Variants in KCTD14 observed in about 807,000 individuals in gnomAD.
The protein encoded by KCTD14 is BTB/POZ domain-containing protein KCTD14.
In KCTD14, 7 loss-of-function variants were observed where a neutral mutation model predicts 5.9. The observed-to-expected ratio is 1.19, with a 90% CI of 0.68 to 2.23. KCTD14 has a LOEUF of 2.23. KCTD14 is among the 30% of genes most tolerant of loss of function. KCTD14 has a pLI of 0.00. For synonymous variants in KCTD14, 140 were observed against 133.1 expected (o/e 1.05, Z -0.36); for missense variants, 342 against 332.2 (o/e 1.03, Z -0.23).
intron 1 of KCTD14, among the ~76,000 whole-genome samples, chr11:78,042,059 G>T (rs1183548668): frequency 6.6e-6 from 1 of 152,100 alleles, no homozygotes; most frequent in Non-Finnish European, 1.5e-5. Context: ...TGTGAGCAAG[G>T]ACCCCTGGTA....
At position 78,016,826 on chromosome 11, in the gene KCTD14, C is replaced by T. The variant is rs1453496663; in HGVS notation, c.535G>A (p.Asp179Asn). The change falls in exon 2 of 2, where the codon GAT becomes AAT. Residue 179 changes from aspartate to asparagine, a missense_variant. Coordinates refer to ENST00000353172, the MANE Select transcript of KCTD14 (RefSeq NM_023930.4). Reference sequence around the variant, plus strand: ...CACAGGACCTCTGAATAATATGCATCCTGCTCCTCAGTTTCCACCAGGCAC... The same window carrying T: ...CACAGGACCTCTGAATAATATGCATTCTGCTCCTCAGTTTCCACCAGGCAC... ...LVCLVETEEQ[D>N]AYYSEVLCFL... is the part of the protein sequence containing the mutation. The T allele has an allele frequency of 6.2e-7, 1 of 1,614,178 alleles. No homozygotes were observed. Among genetic ancestry groups the T allele is most frequent in the Non-Finnish European group, 8.5e-7 (1 of 1,180,008 alleles).
chr11:78,040,401 G>A (rs1020938385), intron 1 of KCTD14, among the ~76,000 whole-genome samples: 1 of 148,312 alleles, frequency 6.7e-6, no homozygotes, highest in Non-Finnish European at 1.5e-5. Context: ...ACTTCTTCCT[G>A]TGTCTCTTCT....
Position 78,016,369 on chromosome 11 carries a change from G to A in KCTD14, c.*224C>T, listed in dbSNP as rs1857163428. On this transcript the variant is annotated 3_prime_UTR_variant, in exon 2 of 2. Coordinates refer to ENST00000353172, the MANE Select transcript of KCTD14 (RefSeq NM_023930.4). ...CAAGAGAAGGGTCTGGGAGATACATGAGGCTTTGAAAAGGAAGTAGCTGCA... is the reference window on the plus strand; with the variant it reads ...CAAGAGAAGGGTCTGGGAGATACATAAGGCTTTGAAAAGGAAGTAGCTGCA... 5.2e-6 allele frequency: 3 copies of A among 581,376 alleles called. No homozygotes were observed. The African/African-American group carries it at 5.6e-5, about 11-fold the overall frequency. 36.0% of individuals were successfully genotyped at this position (581,376 alleles called of 1,614,324 possible). A position where few individuals can be genotyped will look rare whatever the true frequency, so the allele number is the denominator to read the frequency against.
chr11:78,017,961 A>G (rs1857215311), intron 1 of KCTD14, among the ~76,000 whole-genome samples: 2 of 151,800 alleles, frequency 1.3e-5, no homozygotes, highest in East Asian at 2.0e-4. Flanking sequence ...GCCAGGTGTG[A>G]TGGCACGCGC....
At chr11:78,031,195 C>T (rs1857603799) in intron 2 of KCTD14, among the ~76,000 whole-genome samples, 2 of 151,054 alleles carry the variant, frequency 1.3e-5, no homozygotes, top group African/African-American at 4.9e-5. Context: ...GCTGGGATTA[C>T]CGCTAACACC....
chr11:78,032,394 A>G (rs1370294868), intron 2 of KCTD14, among the ~76,000 whole-genome samples: 2 of 152,256 alleles, frequency 1.3e-5, no homozygotes, highest in Non-Finnish European at 2.9e-5. Context: ...ACAGGAGTCA[A>G]GATGCCCAGG....
chr11:78,035,844 C>CA (rs559820760), intron 2 of KCTD14, among the ~76,000 whole-genome samples: 4,169 of 79,244 alleles, frequency 0.053, 526 homozygotes, highest in African/African-American at 0.22. Flanking sequence ...GACTCCATCT[C>CA]AAAAAAAAAA....
intron 2 of KCTD14, among the ~76,000 whole-genome samples, chr11:78,030,378 C>T (rs944917103): frequency 2.0e-5 from 3 of 152,186 alleles, no homozygotes; most frequent in South Asian, 2.1e-4. Context: ...GCTCTAGTTT[C>T]GGCTCTGCCA....
At chr11:78,036,122 G>A (rs1042417888) in intron 2 of KCTD14, among the ~76,000 whole-genome samples, 6 of 152,004 alleles carry the variant, frequency 3.9e-5, no homozygotes, top group African/African-American at 1.4e-4. Flanking sequence ...TTGCACCACT[G>A]CACTCCAGCC....
chr11:78,025,262 A>G (rs1028184122), upstream of KCTD14, among the ~76,000 whole-genome samples: 1 of 151,250 alleles, frequency 6.6e-6, no homozygotes, highest in African/African-American at 2.4e-5. Flanking sequence ...AAAATGAAGA[A>G]CTTGGAGTCT....
intron 1 of KCTD14, among the ~76,000 whole-genome samples, chr11:78,040,741 G>T (rs570338042): frequency 6.6e-6 from 1 of 152,006 alleles, no homozygotes; most frequent in Middle Eastern, 3.4e-3. Flanking sequence ...CGTGATCTTG[G>T]CTCACTGCAA....
chr11:78,031,794 C>G (rs1035895651), intron 2 of KCTD14, among the ~76,000 whole-genome samples: 4 of 152,218 alleles, frequency 2.6e-5, no homozygotes, highest in African/African-American at 9.6e-5. Context: ...GAGCTAACCT[C>G]AAGGGGCCCA....
At chr11:78,020,283 A>C (rs1233880265) in intron 1 of KCTD14, among the ~76,000 whole-genome samples, 1 of 152,216 alleles carries the variant, frequency 6.6e-6, no homozygotes, top group Non-Finnish European at 1.5e-5. Context: ...AATGTCCCTC[A>C]GTCTGATTTA....
chr11:78,026,515 G>A (rs1857470464), upstream of KCTD14, among the ~76,000 whole-genome samples: 1 of 152,060 alleles, frequency 6.6e-6, no homozygotes, highest in South Asian at 2.1e-4. Flanking sequence ...ATAATCCCAA[G>A]GGAGTGGATC....
chr11:78,043,214 C>G (rs1050617035), intron 1 of KCTD14, among the ~76,000 whole-genome samples: 1 of 152,190 alleles, frequency 6.6e-6, no homozygotes, highest in Admixed American at 6.5e-5. Context: ...TTTTCTTCTA[C>G]CAAAATACTC....
At chr11:78,041,539 G>A (rs902934803) in intron 1 of KCTD14, among the ~76,000 whole-genome samples, 1 of 152,206 alleles carries the variant, frequency 6.6e-6, no homozygotes, top group African/African-American at 2.4e-5. Context: ...GAGGGACGAT[G>A]ATCAGGATAT....
At chr11:78,024,425 CACACACACACACACACACACATAT>C (rs1857395116), upstream of KCTD14, among the ~76,000 whole-genome samples, 1 of 62,658 alleles carries the variant, frequency 1.6e-5, no homozygotes, top group African/African-American at 4.2e-5. Flanking sequence ...CACACACACA[CACACACACACACACACACACATAT>C]ATATATATAT....
chr11:78,024,799 G>A (rs1002935260), upstream of KCTD14, among the ~76,000 whole-genome samples: 2 of 151,618 alleles, frequency 1.3e-5, no homozygotes, highest in African/African-American at 4.8e-5. Context: ...CAAAAAATTA[G>A]CTGGGCGTGG....
intron 2 of KCTD14, among the ~76,000 whole-genome samples, chr11:78,029,139 C>T (rs906729782): frequency 1.1e-4 from 16 of 149,740 alleles, no homozygotes; most frequent in African/African-American, 3.7e-4. Context: ...GAGCCAAGAC[C>T]ATGCCACTGC....
Sources: allele counts gnomAD v4.1 joint callset (sites outside exome capture counted in the v4.1 genomes callset), GRCh38; gene constraint gnomAD v4.1.1; transcripts MANE v1.5; gene names NCBI Gene and HGNC (gene_info 2026-07-23, HGNC 2026-07-21).